Variants in ENTREP2 observed in about 807,000 individuals in gnomAD.
ENTREP2 encodes endosomal transmembrane epsin interactor 2, also known as protein ENTREP2.
At chr15:29,269,021 G>A in the ENTREP2 span, 1 of 1,614,150 alleles carries the variant, frequency 6.2e-7, no homozygotes. Context: ...TAACGCTGTC[G>A]CACAAAGTCC....
chr15:29,429,810 G>A, the ENTREP2 span, among the ~76,000 whole-genome samples: 3 of 152,208 alleles, frequency 2.0e-5, no homozygotes, highest in East Asian at 1.9e-4. Flanking sequence ...GATCCGGGCC[G>A]GCGTGAGGGC....
At chr15:29,412,871 A>G in the ENTREP2 span, among the ~76,000 whole-genome samples, 1 of 151,882 alleles carries the variant, frequency 6.6e-6, no homozygotes, top group Non-Finnish European at 1.5e-5. Flanking sequence ...TTTTCTAAGT[A>G]AATCTGATCA....
the ENTREP2 span, among the ~76,000 whole-genome samples, chr15:29,469,599 T>C: frequency 3.3e-5 from 5 of 152,058 alleles, no homozygotes; most frequent in Admixed American, 2.0e-4. Context: ...GAGTTGGTGT[T>C]GAATGACTAC....
At chr15:29,324,595 A>C in the ENTREP2 span, among the ~76,000 whole-genome samples, 1 of 152,234 alleles carries the variant, frequency 6.6e-6, no homozygotes, top group African/African-American at 2.4e-5. Flanking sequence ...AATCAAAAGG[A>C]AGTTGGAGTA....
chr15:29,269,674 G>A, the ENTREP2 span: 9 of 1,558,262 alleles, frequency 5.8e-6, 1 homozygote, highest in South Asian at 3.5e-5. Context: ...CTGGCCGCCA[G>A]AGCGGCCCCG....
At chr15:29,286,908 T>A in the ENTREP2 span, among the ~76,000 whole-genome samples, 1 of 152,212 alleles carries the variant, frequency 6.6e-6, no homozygotes, top group African/African-American at 2.4e-5. Context: ...GTTTCCCTCA[T>A]CTAATTATGT....
At chr15:29,350,559 G>A in the ENTREP2 span, among the ~76,000 whole-genome samples, 2 of 152,152 alleles carry the variant, frequency 1.3e-5, no homozygotes, top group African/African-American at 4.8e-5. Flanking sequence ...TATCTCTGGT[G>A]TTTGTGAAAT....
At chr15:29,423,242 T>C in the ENTREP2 span, among the ~76,000 whole-genome samples, 3,983 of 152,282 alleles carry the variant, frequency 0.026, 187 homozygotes, top group African/African-American at 0.091. Flanking sequence ...AGTTGTTTAC[T>C]ATACATGTTA....
the ENTREP2 span, among the ~76,000 whole-genome samples, chr15:29,582,936 A>G: frequency 4.1e-4 from 62 of 152,298 alleles, no homozygotes; most frequent in African/African-American, 1.2e-3. Context: ...GGCATGAGCC[A>G]CCGTGCCCAG....
At chr15:29,152,737 GTTGTGAGCCT>G in the ENTREP2 span, among the ~76,000 whole-genome samples, 2 of 152,180 alleles carry the variant, frequency 1.3e-5, no homozygotes, top group Non-Finnish European at 1.5e-5. Context: ...AAATAAAGCT[GTTGTGAGCCT>G]TTGTTTATAG....
At chr15:29,465,770 G>T in the ENTREP2 span, among the ~76,000 whole-genome samples, 11 of 152,202 alleles carry the variant, frequency 7.2e-5, no homozygotes, top group Non-Finnish European at 1.5e-4. Flanking sequence ...TTAAAAGGAA[G>T]AGTCTATCAA....
At chr15:29,672,676 C>T in the ENTREP2 span, among the ~76,000 whole-genome samples, 67 of 152,088 alleles carry the variant, frequency 4.4e-4, no homozygotes, top group African/African-American at 1.4e-3. Context: ...CACGCAGAGC[C>T]GGCTGCACAG....
chr15:29,619,991 T>TGTG, the ENTREP2 span, among the ~76,000 whole-genome samples: 1 of 152,106 alleles, frequency 6.6e-6, no homozygotes, highest in Non-Finnish European at 1.5e-5. Context: ...CAGTGAGTGG[T>TGTG]TCTGTGTCTG....
At chr15:29,493,592 G>A in the ENTREP2 span, among the ~76,000 whole-genome samples, 34 of 108,860 alleles carry the variant, frequency 3.1e-4, no homozygotes, top group African/African-American at 1.6e-3. Flanking sequence ...ACTCCAGCCA[G>A]TGTGCAGAGT....
chr15:29,406,602 A>T, the ENTREP2 span, among the ~76,000 whole-genome samples: 5 of 152,148 alleles, frequency 3.3e-5, no homozygotes, highest in East Asian at 1.9e-4. Context: ...ATATATTTTT[A>T]AAAGTATTTC....
At chr15:29,407,561 T>TC in the ENTREP2 span, among the ~76,000 whole-genome samples, 4 of 151,876 alleles carry the variant, frequency 2.6e-5, no homozygotes, top group Admixed American at 2.0e-4. Flanking sequence ...CCCAGGGAAG[T>TC]CCCTAGGAGC....
At chr15:29,523,328 A>G in the ENTREP2 span, among the ~76,000 whole-genome samples, 3 of 152,224 alleles carry the variant, frequency 2.0e-5, no homozygotes, top group Non-Finnish European at 2.9e-5. Flanking sequence ...AACTAAAGTG[A>G]AGAAAACAAT....
the ENTREP2 span, among the ~76,000 whole-genome samples, chr15:29,174,697 C>CAAAAAAAAA: frequency 9.4e-6 from 1 of 106,052 alleles, no homozygotes; most frequent in African/African-American, 5.3e-5. Flanking sequence ...CTAAACAAAA[C>CAAAAAAAAA]AAAACAAAAC....
the ENTREP2 span, among the ~76,000 whole-genome samples, chr15:29,627,841 A>G: frequency 6.6e-6 from 1 of 152,190 alleles, no homozygotes; most frequent in Non-Finnish European, 1.5e-5. Flanking sequence ...AAGACTGGAT[A>G]ATAATTCAGT....
Sources: gnomAD v4.1 joint callset for allele counts (sites outside exome capture counted in the v4.1 genomes callset) on GRCh38, gnomAD v4.1.1 for gene constraint, MANE v1.5 for transcripts, NCBI Gene and HGNC (gene_info 2026-07-23, HGNC 2026-07-21) for gene names.